Variants in HCN3 observed in about 807,000 individuals in gnomAD.
HCN3 encodes potassium/sodium hyperpolarization-activated cyclic nucleotide-gated channel 3.
A neutral mutation model predicts 56.8 loss-of-function variants in HCN3; 36 were observed. That is an observed-to-expected ratio of 0.63 (90% confidence interval 0.49 to 0.84). The LOEUF (loss-of-function observed/expected upper bound fraction) is 0.84, where lower values mean the gene tolerates loss of function less well. Among genes scored for constraint, HCN3 ranks in the 40% least tolerant of loss-of-function variants. The pLI, the probability that HCN3 is intolerant of heterozygous loss-of-function variation, is 0.00. For missense variants in HCN3, 930 were observed against 1,079.3 expected (o/e 0.86, Z 1.94); for synonymous variants, 425 against 439.7 (o/e 0.97, Z 0.42).
chr1:155,279,564 A>G (rs1452717598), intron 1 of HCN3, among the ~76,000 whole-genome samples: 1 of 152,222 alleles, frequency 6.6e-6, no homozygotes, highest in East Asian at 1.9e-4. Flanking sequence ...ACCCTGAGAC[A>G]TGGATGAGCA....
intron 2 of HCN3, 124 bp from the exon 3 acceptor site, chr1:155,283,850 A>AT: frequency 1.0e-6 from 1 of 964,660 alleles, no homozygotes; most frequent in Admixed American, 2.6e-5. Context: ...TAATAGTTGT[A>AT]TTTTTTAATT....
intron 6 of HCN3, among the ~76,000 whole-genome samples, chr1:155,286,512 C>T (rs1674293221): frequency 6.6e-6 from 1 of 152,150 alleles, no homozygotes; most frequent in Admixed American, 6.6e-5. Context: ...ACTACTGGGC[C>T]AGAGGGCCTT....
chr1:155,287,407 C>T (rs1435312006), intron 7 of HCN3, 70 bp downstream of exon 7: 8 of 1,580,100 alleles, frequency 5.1e-6, no homozygotes, highest in Admixed American at 1.7e-5. Flanking sequence ...AGCAAGGAGC[C>T]CAGGCTTTAG....
Position 155,284,748 on chromosome 1 carries a change from C to T in HCN3, c.1080C>T (p.Tyr360=). 6.2e-7 allele frequency: 1 copy of T among 1,613,394 alleles called. No homozygotes were observed. Among genetic ancestry groups the T allele is most frequent in the Non-Finnish European group, 8.5e-7 (1 of 1,179,534 alleles). The change falls in exon 4 of 8, where the codon TAC becomes TAT. Residue 360 remains tyrosine, a synonymous_variant. Coordinates refer to ENST00000368358, the MANE Select transcript of HCN3 (RefSeq NM_020897.3). The surrounding 1 kb of genome is among the most constrained non-coding windows in gnomAD (Gnocchi z 4.3). ...CCCTGGACTCTTCCCGGCGTCAGTA[C>T]CAGGAGAAGGTCAGCAGGGACAGGA... is the stretch of plus-strand genomic sequence containing the variant. The part of the protein sequence containing the change: ...IQSLDSSRRQ[Y]QEKYKQVEQY...
chr1:155,283,527 G>C (rs1674156883), intron 2 of HCN3, among the ~76,000 whole-genome samples: 2 of 150,624 alleles, frequency 1.3e-5, no homozygotes. Context: ...CCTAGCATTA[G>C]GTATATCTCC....
In HCN3 at chr1:155,282,559, C is replaced by T. The variant is rs1674100731; in HGVS notation, c.427C>T (p.Leu143Phe). 21 of 1,614,144 alleles carry T rather than the reference C, an allele frequency of 1.3e-5. No homozygotes were observed. The highest frequency in any genetic ancestry group is 1.7e-5 in the Admixed American group (1 of 60,014). The change falls in exon 2 of 8, where the codon CTC becomes TTC. Residue 143 changes from leucine (L) to phenylalanine (F), a missense_variant. Coordinates refer to ENST00000368358, the MANE Select transcript of HCN3 (RefSeq NM_020897.3). This position sits in a 1 kb window ranked among gnomAD's most constrained non-coding sequence, Gnocchi z 4.7. ...SDTFFLLDLV[L>F]NFRTGIVVEE... ...TACTTTCTTCCTACTGGATCTGGTGCTCAACTTCCGAACGGGCATCGTGGT... is the reference window on the plus strand; with the variant it reads ...TACTTTCTTCCTACTGGATCTGGTGTTCAACTTCCGAACGGGCATCGTGGT...
chr1:155,285,418 A>G lies in HCN3; in HGVS notation c.1236+107A>G. 3.5e-6 allele frequency: 5 copies of G among 1,434,582 alleles called. No homozygotes were observed. Among genetic ancestry groups the G allele is most frequent in the Non-Finnish European group, 4.7e-6 (5 of 1,065,916 alleles). The allele number at this position is 1,434,582 out of a possible 1,614,324, so 88.9% of individuals were successfully genotyped here. ...TGCTCCTATAGGGAATGAGGCCTGC[A>G]GAGGGCCCCGTGGGAGGCCAGGTAT... On this transcript the variant is annotated intron_variant, in intron 5 of 7. Coordinates refer to ENST00000368358, the MANE Select transcript of HCN3 (RefSeq NM_020897.3). The surrounding 1 kb of genome is among the most constrained non-coding windows in gnomAD (Gnocchi z 4.5).
rs1460577630 is a variant in HCN3, at chr1:155,277,698, G to A, written c.108G>A (p.Pro36=). The A allele has an allele frequency of 3.2e-6, 5 of 1,571,026 alleles. No individual in the cohort carries two copies. Among genetic ancestry groups the A allele is most frequent in the Non-Finnish European group, 4.3e-6 (5 of 1,158,920 alleles). The part of the protein sequence containing the change: ...APPPATAASG[P]IPKSGPEPKR... Reference sequence around the variant, plus strand: ...CGCCTGCGACCGCGGCCTCAGGTCCGATCCCCAAATCTGGGCCTGAGCCTA... The same window carrying A: ...CGCCTGCGACCGCGGCCTCAGGTCCAATCCCCAAATCTGGGCCTGAGCCTA... Residue 36 remains proline (P), a synonymous_variant, in exon 1 of 8, where the codon CCG becomes CCA. Transcript: ENST00000368358.
chr1:155,288,172 C>T lies in HCN3; in HGVS notation c.2034C>T (p.Thr678=), dbSNP rs781696265. ...TSRLPAPPAR[T]LHASLSRAGR... ...GCCTGCCCGCCCCACCTGCCCGAAC[C>T]CTGCACGCCAGCCTATCCCGGGCAG... The change falls in exon 8 of 8, where the codon ACC becomes ACT. Residue 678 remains threonine (T), a synonymous_variant. Coordinates refer to ENST00000368358, the MANE Select transcript of HCN3 (RefSeq NM_020897.3). This position sits in a 1 kb window ranked among gnomAD's most constrained non-coding sequence, Gnocchi z 6.5. The T allele has an allele frequency of 1.3e-6, 2 of 1,579,068 alleles. No individual in the cohort carries two copies. Among genetic ancestry groups the T allele is most frequent in the Admixed American group, 3.6e-5 (2 of 55,838 alleles).
At chr1:155,283,940 C>T in intron 2 of HCN3, 34 bp from the exon 3 acceptor site, 1 of 1,592,212 alleles carries the variant, frequency 6.3e-7, no homozygotes, top group Non-Finnish European at 8.6e-7. Flanking sequence ...GGGAGGGGTT[C>T]CTGTCCACAG....
rs1023987552 is a variant in HCN3 at position 155,284,252 on chromosome 1, C to T, written c.870+117C>T. The T allele has an allele frequency of 1.8e-5, 22 of 1,242,250 alleles. No homozygotes were observed. Among genetic ancestry groups the T allele is most frequent in the Middle Eastern group, 2.7e-4 (1 of 3,730 alleles). 77.0% of individuals were successfully genotyped at this position (1,242,250 alleles called of 1,614,324 possible). On this transcript the variant is annotated intron_variant, in intron 3 of 7. Coordinates refer to ENST00000368358, the MANE Select transcript of HCN3 (RefSeq NM_020897.3). The surrounding 1 kb of genome is among the most constrained non-coding windows in gnomAD (Gnocchi z 4.3). ...AGATGATCACAACAGAAAATAGGAGCGAGGAGGTGGGGAGGAGGGAGGAAA... is the reference window on the plus strand; with the variant it reads ...AGATGATCACAACAGAAAATAGGAGTGAGGAGGTGGGGAGGAGGGAGGAAA...
rs1674241131 is a variant in HCN3 at position 155,285,356 on chromosome 1, G to T, written c.1236+45G>T. The stretch of plus-strand genomic sequence containing the variant: ...GGAAGGGGGGCTCTTCAGGGACCTG[G>T]AGTGCTGTCTGGTGGTAGGGGCTAT... On this transcript the variant is annotated intron_variant, in intron 5 of 7. Coordinates refer to ENST00000368358, the MANE Select transcript of HCN3 (RefSeq NM_020897.3). This position sits in a 1 kb window ranked among gnomAD's most constrained non-coding sequence, Gnocchi z 4.5. 1.2e-6 allele frequency: 2 copies of T among 1,606,208 alleles called. No homozygotes were observed. The highest frequency in any genetic ancestry group is 3.4e-5 in the Admixed American group (2 of 59,414).
Position 155,288,726 on chromosome 1 carries a change from T to C in HCN3, c.*263T>C, listed in dbSNP as rs1424946852. 1 of 486,108 alleles carries C rather than the reference T, an allele frequency of 2.1e-6. No homozygotes were observed. Among genetic ancestry groups the C allele is most frequent in the African/African-American group, 2.0e-5 (1 of 51,102 alleles). The allele number at this position is 486,108 out of a possible 1,614,324, so 30.1% of individuals were successfully genotyped here. On this transcript the variant is annotated 3_prime_UTR_variant, in exon 8 of 8. Transcript: ENST00000368358. The surrounding 1 kb of genome is among the most constrained non-coding windows in gnomAD (Gnocchi z 6.5). The stretch of plus-strand genomic sequence containing the variant: ...GTTCAAGGTAATATGCCAGGCGCTG[T>C]ATGTCTCCACTGCCAAGTAGAAGTG...
chr1:155,278,900 T>C (rs996732812), intron 1 of HCN3, among the ~76,000 whole-genome samples: 1 of 152,124 alleles, frequency 6.6e-6, no homozygotes, highest in African/African-American at 2.4e-5. Flanking sequence ...ATCCCTCTGA[T>C]TGTGCTTCTC....
Position 155,277,495 on chromosome 1 carries a change from C to T in HCN3, c.-96C>T, listed in dbSNP as rs1673851488. On this transcript the variant is annotated 5_prime_UTR_variant, in exon 1 of 8. Coordinates refer to ENST00000368358, the MANE Select transcript of HCN3 (RefSeq NM_020897.3). ...AGCCTACGACGCCTCCGCTAGAGCC[C>T]GCGGGGCTGCGCCGACTCCTGCTCT... 1 of 1,402,528 alleles carries T rather than the reference C, an allele frequency of 7.1e-7. No homozygotes were observed. The highest frequency in any genetic ancestry group is 1.4e-5 in the African/African-American group (1 of 69,224). 86.9% of individuals were successfully genotyped at this position (1,402,528 alleles called of 1,614,324 possible).
Position 155,282,563 on chromosome 1 carries a change from A to T in HCN3, c.431A>T (p.Asn144Ile). Reference sequence around the variant, plus strand: ...TTCTTCCTACTGGATCTGGTGCTCAACTTCCGAACGGGCATCGTGGTGGAG... The same window carrying T: ...TTCTTCCTACTGGATCTGGTGCTCATCTTCCGAACGGGCATCGTGGTGGAG... ...DTFFLLDLVL[N>I]FRTGIVVEEG... The change falls in exon 2 of 8, where the codon AAC becomes ATC. Residue 144 changes from asparagine (N) to isoleucine (I), a missense_variant. Transcript: ENST00000368358. The surrounding 1 kb of genome is among the most constrained non-coding windows in gnomAD (Gnocchi z 4.7). The T allele has an allele frequency of 6.2e-7, 1 of 1,614,228 alleles. No individual in the cohort carries two copies. Among genetic ancestry groups the T allele is most frequent in the Non-Finnish European group, 8.5e-7 (1 of 1,180,048 alleles).
At chr1:155,286,886 G>A (rs537331601) in intron 6 of HCN3, among the ~76,000 whole-genome samples, 1 of 152,134 alleles carries the variant, frequency 6.6e-6, no homozygotes, top group Non-Finnish European at 1.5e-5. Context: ...AGTTAAAGTG[G>A]AGTGGAATCA....
In HCN3 at chr1:155,283,866, G is replaced by T. The variant is rs1269809214; in HGVS notation, c.709-108G>T. ...AATAGTTGTATTTTTTAATTCATGG[G>T]GGCTGGGGCTAGGGAGTAGTTCAGA... is the stretch of plus-strand genomic sequence containing the variant. On this transcript the variant is annotated intron_variant, in intron 2 of 7. Coordinates refer to ENST00000368358, the MANE Select transcript of HCN3 (RefSeq NM_020897.3). 11 of 1,138,018 alleles carry T rather than the reference G, an allele frequency of 9.7e-6. No homozygotes were observed. In the Admixed American group the frequency reaches 2.2e-4, roughly 23 times the overall value. The allele number at this position is 1,138,018 out of a possible 1,614,324, so 70.5% of individuals were successfully genotyped here.
In HCN3 at chr1:155,287,843, A is replaced by G. The variant is rs1278983085; in HGVS notation, c.1705A>G (p.Ile569Val). ...SEPSPGSSGG[I>V]MEQHLVQHDR... Reference sequence around the variant, plus strand: ...GCCAAGTCCAGGCAGCAGTGGTGGCATCATGGAGCAGCACTTGGTGCAACA... The same window carrying G: ...GCCAAGTCCAGGCAGCAGTGGTGGCGTCATGGAGCAGCACTTGGTGCAACA... The change falls in exon 8 of 8, where the codon ATC (isoleucine) becomes GTC (valine). Residue 569 changes from isoleucine to valine, a missense_variant. Ile to Val is a conservative substitution (Grantham distance 29). Transcript: ENST00000368358. 5 of 1,613,096 alleles carry G rather than the reference A, an allele frequency of 3.1e-6. No individual in the cohort carries two copies. The highest frequency in any genetic ancestry group is 3.3e-5 in the Admixed American group (2 of 59,944).
Sources: gnomAD v4.1 joint callset for allele counts (sites outside exome capture counted in the v4.1 genomes callset) on GRCh38, gnomAD v4.1.1 for gene constraint, Gnocchi (gnomAD v3.1) non-coding constraint, MANE v1.5 for transcripts, NCBI Gene and HGNC (gene_info 2026-07-23, HGNC 2026-07-21) for gene names.